SYNE4: variants seen among roughly 807,000 people sequenced by gnomAD.
SYNE4 encodes the protein spectrin repeat containing nuclear envelope family member 4, also known as nesprin-4.
A neutral mutation model predicts 46.9 loss-of-function variants in SYNE4; 41 were observed. The ratio of observed to expected loss-of-function variants is 0.87; its 90% CI spans 0.68 to 1.13. The LOEUF (loss-of-function observed/expected upper bound fraction) is 1.13. SYNE4 is among the 50% of genes most tolerant of loss of function. The pLI is 0.00. For synonymous variants in SYNE4, 221 were observed against 219.5 expected (o/e 1.01, Z -0.06); for missense variants, 492 against 514.8 (o/e 0.96, Z 0.43).
Position 36,003,426 on chromosome 19 carries a change from C to T in SYNE4, c.1126G>A (p.Ala376Thr), listed in dbSNP as rs374702134. Residue 376 changes from alanine to threonine, a missense_variant, in exon 8 of 8, where the codon GCG becomes ACG. Coordinates refer to ENST00000324444, the MANE Select transcript of SYNE4 (RefSeq NM_001039876.3). ...TGAGAGCAGCAGGGGCCTCCTGACG[C>T]GGGCAGGAGAAACATGGCACCCACC... ...LLVGAMFLLPASGGPCCSHAR... is the reference protein window; with the variant it reads ...LLVGAMFLLPTSGGPCCSHAR... 79 of 1,613,646 alleles carry T rather than the reference C, an allele frequency of 4.9e-5. No homozygotes were observed. In the East Asian group the frequency reaches 6.9e-4, roughly 14 times the overall value.
rs769539746 is a variant in SYNE4, at chr19:36,006,378, C to T, written c.867+45G>A. On this transcript the variant is annotated intron_variant, in intron 5 of 7. Transcript: ENST00000324444. Reference sequence around the variant, plus strand: ...TTGCTAGAAGGTGCGCAGAGATGTCCCCAGGGTGCCTGGCAGAAGGTCCCT... The same window carrying T: ...TTGCTAGAAGGTGCGCAGAGATGTCTCCAGGGTGCCTGGCAGAAGGTCCCT... 6.4e-6 allele frequency: 10 copies of T among 1,552,722 alleles called. No homozygotes were observed. In the African/African-American group the frequency reaches 1.2e-4, roughly 19 times the overall value.
rs79311416 is a variant in SYNE4, at chr19:36,006,491, G to A, written c.799C>T (p.Arg267Trp). The change falls in exon 5 of 8, where the codon CGG becomes TGG. Residue 267 changes from arginine to tryptophan, a missense_variant. Transcript: ENST00000324444. ...AGCTCACAGGGCACTCCTAGTGTCCGGGCTGTCTTTTGTCCCAAGGGCCCA... is the reference window on the plus strand; with the variant it reads ...AGCTCACAGGGCACTCCTAGTGTCCAGGCTGTCTTTTGTCCCAAGGGCCCA... ...GLGPLGQKTA[R>W]TLGVPCELCG... 1.3e-3 allele frequency: 2,148 copies of A among 1,611,510 alleles called. 27 individuals are homozygous for A. The African/African-American group carries it at 0.025, about 18-fold the overall frequency.
At chr19:36,006,172 C>T (rs1448513793) in intron 5 of SYNE4, 2 of 472,096 alleles carry the variant, frequency 4.2e-6, no homozygotes, top group Non-Finnish European at 7.2e-6. Context: ...GAGACTGGGA[C>T]AGTCAGGAGG....
Position 36,005,392 on chromosome 19 carries a change from G to A in SYNE4, c.913C>T (p.Leu305Phe). 1.9e-6 allele frequency: 3 copies of A among 1,614,126 alleles called. No individual in the cohort carries two copies. The highest frequency in any genetic ancestry group is 2.5e-6 in the Non-Finnish European group (3 of 1,180,004). ...CGTGCTAAGCGTTTCTGGTGGCCGA[G>A]GCCAGACTCCAGCATGTCCTGTCGG... ...HSRQDMLESGLGHQKRLARHQ... is the reference protein window; with the variant it reads ...HSRQDMLESGFGHQKRLARHQ... The change falls in exon 6 of 8, where the codon CTC becomes TTC. Residue 305 changes from leucine to phenylalanine, a missense_variant. Leu to Phe is a conservative substitution (Grantham distance 22, BLOSUM62 0). Coordinates refer to ENST00000324444, the MANE Select transcript of SYNE4 (RefSeq NM_001039876.3).
chr19:36,004,517 AT>A lies in SYNE4; in HGVS notation c.972+815del, dbSNP rs563835716. On this transcript the variant is annotated intron_variant, in intron 6 of 7. Transcript: ENST00000324444. Reference sequence around the variant, plus strand: ...CCCTTTTTCTGATAACAGTGCCTTAATTGGAGGTGGGCGGCTGTCATGCCTT... The same window carrying A: ...CCCTTTTTCTGATAACAGTGCCTTAATGGAGGTGGGCGGCTGTCATGCCTT... 3.9e-5 allele frequency among the ~76,000 whole-genome samples: 6 copies of A among 152,320 alleles called. No homozygotes were observed. In the East Asian group the frequency reaches 1.2e-3, roughly 29 times the overall value.
In SYNE4 at chr19:36,003,647, G is replaced by A. The variant is rs756466891; in HGVS notation, c.997C>T (p.His333Tyr). 1 of 1,613,100 alleles carries A rather than the reference G, an allele frequency of 6.2e-7. No individual in the cohort carries two copies. Among genetic ancestry groups the A allele is most frequent in the Non-Finnish European group, 8.5e-7 (1 of 1,179,738 alleles). The change falls in exon 7 of 8, where the codon CAT becomes TAT. Residue 333 changes from histidine (H) to tyrosine (Y), a missense_variant. By Grantham distance (83) the His-to-Tyr change is moderately conservative. Transcript: ENST00000324444. ...CCCTCCAGCCTCACATCCTGGAGAT[G>A]AGGAGATGCTTGCCTCTTCTTGTCC... is the stretch of plus-strand genomic sequence containing the variant. ...PQDKKRQASPHLQDVRLEGNP... is the reference protein window; with the variant it reads ...PQDKKRQASPYLQDVRLEGNP...
intron 2 of SYNE4, among the ~76,000 whole-genome samples, chr19:36,007,724 T>C (rs1299177666): frequency 6.6e-6 from 1 of 151,644 alleles, no homozygotes; most frequent in Non-Finnish European, 1.5e-5. Context: ...TTTTTTTTTT[T>C]TAATAAAAAA....
chr19:36,008,318 G>A lies in SYNE4; in HGVS notation c.178C>T (p.His60Tyr). 6.3e-7 allele frequency: 1 copy of A among 1,577,400 alleles called. No individual in the cohort carries two copies. Among genetic ancestry groups the A allele is most frequent in the Non-Finnish European group, 8.6e-7 (1 of 1,159,890 alleles). ...LGQDSLGPPE[H>Y]FQGGPRGNEP... ...TTGCCCCTTGGCCCACCCTGGAAGT[G>A]CTCAGGAGGGCCCAAGGAGTCCTGT... The change falls in exon 2 of 8, where the codon CAC becomes TAC. Residue 60 changes from histidine to tyrosine, a missense_variant. Transcript: ENST00000324444.
intron 5 of SYNE4, 33 bp from the exon 6 acceptor site, chr19:36,005,470 G>T: frequency 6.2e-7 from 1 of 1,604,658 alleles, no homozygotes; most frequent in Admixed American, 1.7e-5. Context: ...AAACGTGGTT[G>T]GGGGAGGGCC....
At chr19:36,004,109 GGTGAT>G (rs1976768493) in intron 6 of SYNE4, among the ~76,000 whole-genome samples, 1 of 151,916 alleles carries the variant, frequency 6.6e-6, no homozygotes, top group African/African-American at 2.4e-5. Flanking sequence ...CCTGGGCTCA[GGTGAT>G]CCTCTTACCT....
At chr19:36,006,049 T>A in intron 5 of SYNE4, 1 of 202,328 alleles carries the variant, frequency 4.9e-6, no homozygotes, top group East Asian at 1.1e-4. Flanking sequence ...TAAAAATAAG[T>A]AAATGTACAA....
rs949050433 is a variant in SYNE4 at position 36,008,341 on chromosome 19, T to C, written c.155A>G (p.Gln52Arg). Residue 52 changes from glutamine (Q) to arginine (R), a missense_variant, in exon 2 of 8, where the codon CAG becomes CGG. Gln to Arg is a conservative substitution (Grantham distance 43). Transcript: ENST00000324444. ...GTGCTCAGGAGGGCCCAAGGAGTCCTGTCCCAGGGTCTGGGCCTGCTCTGG... is the reference window on the plus strand; with the variant it reads ...GTGCTCAGGAGGGCCCAAGGAGTCCCGTCCCAGGGTCTGGGCCTGCTCTGG... Reference protein sequence around the residue: ...TSPEQAQTLGQDSLGPPEHFQ... With the variant: ...TSPEQAQTLGRDSLGPPEHFQ... 1.0e-5 allele frequency: 16 copies of C among 1,562,346 alleles called. No individual in the cohort carries two copies. The highest frequency in any genetic ancestry group is 1.4e-5 in the African/African-American group (1 of 73,762).
In SYNE4 at chr19:36,007,241, C is replaced by T. The variant is rs1444571600; in HGVS notation, c.307G>A (p.Glu103Lys). Residue 103 changes from glutamate to lysine, a missense_variant, in exon 3 of 8, where the codon GAG becomes AAG. Glu to Lys is a moderately conservative substitution (Grantham distance 56). Coordinates refer to ENST00000324444, the MANE Select transcript of SYNE4 (RefSeq NM_001039876.3). ...AGGTGCAGGCTGTTCTGCTCAGCCTCTAGTACCTCCAGGCCAGAAATGGGG... is the reference window on the plus strand; with the variant it reads ...AGGTGCAGGCTGTTCTGCTCAGCCTTTAGTACCTCCAGGCCAGAAATGGGG... ...EHPISGLEVL[E>K]AEQNSLHLCL... is the part of the protein sequence containing the mutation. 1 of 1,597,506 alleles carries T rather than the reference C, an allele frequency of 6.3e-7. No individual in the cohort carries two copies. Among genetic ancestry groups the T allele is most frequent in the Admixed American group, 1.7e-5 (1 of 57,244 alleles).
rs1163055636 is a variant in SYNE4, at chr19:36,007,248, C to T, written c.300G>A (p.Glu100=). 1 of 1,598,912 alleles carries T rather than the reference C, an allele frequency of 6.3e-7. No individual in the cohort carries two copies. The highest frequency in any genetic ancestry group is 8.5e-7 in the Non-Finnish European group (1 of 1,173,250). The change falls in exon 3 of 8, where the codon GAG becomes GAA. Residue 100 remains glutamate, a synonymous_variant. Coordinates refer to ENST00000324444, the MANE Select transcript of SYNE4 (RefSeq NM_001039876.3). ...GGCTGTTCTGCTCAGCCTCTAGTAC[C>T]TCCAGGCCAGAAATGGGGTGCTGGG... is the stretch of plus-strand genomic sequence containing the variant. ...KHCEHPISGL[E]VLEAEQNSLH... is the part of the protein sequence containing the mutation.
chr19:36,006,301 A>C, intron 5 of SYNE4, 122 bp downstream of exon 5: 57 of 1,283,156 alleles, frequency 4.4e-5, no homozygotes, highest in Non-Finnish European at 5.1e-5. Flanking sequence ...ACCGAGAGAC[A>C]GAGATAGAGG....
chr19:36,008,144 G>A (rs1968441474), intron 2 of SYNE4, 73 bp downstream of exon 2: 26 of 1,506,858 alleles, frequency 1.7e-5, no homozygotes, highest in African/African-American at 5.6e-5. Flanking sequence ...CCGGTCCTCA[G>A]TATGGAGGCC....
In SYNE4 at chr19:36,003,539, T is replaced by G; in HGVS notation, c.1032-19A>C. On this transcript the variant is annotated intron_variant, in intron 7 of 7. Coordinates refer to ENST00000324444, the MANE Select transcript of SYNE4 (RefSeq NM_001039876.3). ...GGGGGCCCTGTGAAGGGAAATGCAGTGTTAAACATACAGGTGGGCTGCTGC... is the reference window on the plus strand; with the variant it reads ...GGGGGCCCTGTGAAGGGAAATGCAGGGTTAAACATACAGGTGGGCTGCTGC... 1 of 1,597,746 alleles carries G rather than the reference T, an allele frequency of 6.3e-7. No homozygotes were observed. Among genetic ancestry groups the G allele is most frequent in the South Asian group, 1.1e-5 (1 of 88,682 alleles).
chr19:36,007,422 G>A (rs1026370474), intron 2 of SYNE4, 154 bp from the exon 3 acceptor site: 3 of 985,432 alleles, frequency 3.0e-6, no homozygotes, highest in African/African-American at 3.5e-5. Context: ...CCACTGGGGG[G>A]GCCTTCCCAG....
chr19:36,007,086 G>C, intron 3 of SYNE4, 39 bp downstream of exon 3: 1 of 1,581,690 alleles, frequency 6.3e-7, no homozygotes. Context: ...CCACTGCTGG[G>C]GCCGTGCCCA....
Sources: gnomAD v4.1 joint callset for allele counts (sites outside exome capture counted in the v4.1 genomes callset) on GRCh38, gnomAD v4.1.1 for gene constraint, MANE v1.5 for transcripts, NCBI Gene and HGNC (gene_info 2026-07-23, HGNC 2026-07-21) for gene names.